The following TUSC3 variants were observed in gnomAD, a reference collection of about 807,000 sequenced individuals.
TUSC3 encodes tumor suppressor candidate 3.
A neutral mutation model predicts 44.8 loss-of-function variants in TUSC3; 45 were observed. That is an observed-to-expected ratio of 1.00 (90% CI 0.79 to 1.29). The LOEUF (loss-of-function observed/expected upper bound fraction) is 1.29. TUSC3 is among the 50% of genes most tolerant of loss of function. TUSC3 has a pLI of 0.00. For synonymous variants in TUSC3, 212 were observed against 152.9 expected, an observed-to-expected ratio of 1.39 and a Z score of -2.85; for missense variants, 519 against 437.9, an observed-to-expected ratio of 1.19 and a Z score of -1.65.
intron 2 of TUSC3, among the ~76,000 whole-genome samples, chr8:15,647,261 A>G (rs1327545927): frequency 2.0e-5 from 3 of 152,146 alleles, no homozygotes; most frequent in African/African-American, 7.2e-5. Context: ...TTCCTTTTCT[A>G]CAGTGCCATT....
intron 5 of TUSC3, among the ~76,000 whole-genome samples, chr8:15,664,527 G>A (rs1286346866): frequency 1.3e-5 from 2 of 148,766 alleles, no homozygotes; most frequent in African/African-American, 4.9e-5. Flanking sequence ...ACTTGGCATG[G>A]CAGAAGATAA....
In TUSC3 at chr8:15,583,328, A is replaced by C. The variant is rs58902570; in HGVS notation, c.139-39752A>C. On this transcript the variant is annotated intron_variant, in intron 1 of 10. Transcript: ENST00000503731. ...AAGTTCATAGTCATTTTGTAATAAAATGCGGAACTAATAAAACTCACTTTA... is the reference window on the plus strand; with the variant it reads ...AAGTTCATAGTCATTTTGTAATAAACTGCGGAACTAATAAAACTCACTTTA... Among the ~76,000 whole-genome samples the C allele has an allele frequency of 2.6e-3, 390 of 152,312 alleles. 5 individuals are homozygous for C. The highest frequency in any genetic ancestry group is 0.018 in the East Asian group (95 of 5,182).
chr8:15,724,357 A>G (rs1420409799), intron 6 of TUSC3, among the ~76,000 whole-genome samples: 2 of 152,186 alleles, frequency 1.3e-5, no homozygotes, highest in Non-Finnish European at 2.9e-5. Context: ...TGTCATGCAC[A>G]GAAAAGCAGA....
intron 2 of TUSC3, among the ~76,000 whole-genome samples, chr8:15,623,674 G>A (rs563193157): frequency 2.3e-4 from 35 of 151,920 alleles, no homozygotes; most frequent in Non-Finnish European, 3.8e-4. Flanking sequence ...GAAGTAAACA[G>A]TTTTAAATGA....
At chr8:15,850,150 ACT>A in the TUSC3 span, among the ~76,000 whole-genome samples, 4 of 150,872 alleles carry the variant, frequency 2.7e-5, no homozygotes, top group Non-Finnish European at 5.9e-5. Context: ...TCAAACATTA[ACT>A]CTCTGAAATG....
chr8:15,570,954 G>GTTTTTTTTTTT lies in TUSC3; in HGVS notation c.138+30396_138+30406dup, dbSNP rs549277334. Among the ~76,000 whole-genome samples, 43 of 44,492 alleles carry GTTTTTTTTTTT rather than the reference G, an allele frequency of 9.7e-4. 5 individuals carry two copies. The highest frequency in any genetic ancestry group is 1.9e-3 in the East Asian group (2 of 1,028). 29.2% of individuals were successfully genotyped at this position (44,492 alleles called of 152,430 possible). Reference sequence around the variant, plus strand: ...TTGCTTTCTATTCCATTGCCTATTAGTTTTTTTTTTTTTTTTTTTTGAGAT... The same window carrying GTTTTTTTTTTT: ...TTGCTTTCTATTCCATTGCCTATTAGTTTTTTTTTTTTTTTTTTTTTTTTTTTTTTTGAGAT... On this transcript the variant is annotated intron_variant, in intron 1 of 10. Coordinates refer to ENST00000503731, the MANE Select transcript of TUSC3 (RefSeq NM_006765.4).
At chr8:15,459,177 T>C (rs1800306698) in intron 1 of TUSC3, among the ~76,000 whole-genome samples, 1 of 152,206 alleles carries the variant, frequency 6.6e-6, no homozygotes, top group African/African-American at 2.4e-5. Context: ...TTCATCACTA[T>C]GATATTTACT....
Position 15,546,866 on chromosome 8 carries a change from T to C in TUSC3, c.138+6298T>C, listed in dbSNP as rs12677186. Among the ~76,000 whole-genome samples, 682 of 151,688 alleles carry C rather than the reference T, an allele frequency of 4.5e-3. 36 individuals are homozygous for C. The highest frequency in any genetic ancestry group is 0.031 in the Admixed American group (472 of 15,180). ...GAATAATTTTTTTCATGGTAGTTGG[T>C]ATCTGTTTGCCTGCCTGCCTGCCTG... On this transcript the variant is annotated intron_variant, in intron 1 of 10. Transcript: ENST00000503731.
the TUSC3 span, among the ~76,000 whole-genome samples, chr8:15,805,209 A>G: frequency 1.3e-5 from 2 of 152,254 alleles, no homozygotes; most frequent in East Asian, 1.9e-4. Context: ...GAAGTTGTTT[A>G]TCAGGATCCA....
chr8:15,496,216 A>C (rs1339421918), intron 2 of TUSC3, among the ~76,000 whole-genome samples: 1 of 152,196 alleles, frequency 6.6e-6, no homozygotes, highest in Non-Finnish European at 1.5e-5. Context: ...TACATTTTCT[A>C]GCTTCACACA....
intron 6 of TUSC3, among the ~76,000 whole-genome samples, chr8:15,686,069 A>G (rs1808615595): frequency 6.6e-6 from 1 of 152,094 alleles, no homozygotes; most frequent in South Asian, 2.1e-4. Context: ...TTTGTTTGTC[A>G]CTATTAAGAT....
chr8:15,817,015 G>A, the TUSC3 span, among the ~76,000 whole-genome samples: 1 of 152,164 alleles, frequency 6.6e-6, no homozygotes, highest in Non-Finnish European at 1.5e-5. Context: ...TGAAGTTACT[G>A]ATTAGTAATT....
At chr8:15,742,596 A>G (rs1024188992) in intron 7 of TUSC3, among the ~76,000 whole-genome samples, 2 of 152,178 alleles carry the variant, frequency 1.3e-5, no homozygotes, top group Non-Finnish European at 1.5e-5. Flanking sequence ...TTTTGTTGAT[A>G]GAGACATCCT....
the TUSC3 span, among the ~76,000 whole-genome samples, chr8:15,848,660 A>G: frequency 6.6e-6 from 1 of 152,180 alleles, no homozygotes; most frequent in Non-Finnish European, 1.5e-5. Context: ...AGTGGTAACC[A>G]CTGTCCAGTG....
chr8:15,760,973 A>T (rs1812147606), intron 10 of TUSC3, among the ~76,000 whole-genome samples: 1 of 152,106 alleles, frequency 6.6e-6, no homozygotes, highest in Non-Finnish European at 1.5e-5. Flanking sequence ...TATCATACTT[A>T]ATCACACCCA....
intron 1 of TUSC3, among the ~76,000 whole-genome samples, chr8:15,460,783 G>A (rs553898386): frequency 2.1e-4 from 32 of 152,042 alleles, no homozygotes; most frequent in Non-Finnish European, 3.8e-4. Flanking sequence ...TGTTGAAAAG[G>A]GTGTCGTTTC....
chr8:15,475,031 G>A (rs998508502), intron 1 of TUSC3, among the ~76,000 whole-genome samples: 2 of 152,026 alleles, frequency 1.3e-5, no homozygotes, highest in African/African-American at 2.4e-5. Flanking sequence ...TTTTGACGAT[G>A]GCCAATTGCT....
intron 1 of TUSC3, among the ~76,000 whole-genome samples, chr8:15,553,160 C>G (rs1223155948): frequency 6.6e-6 from 1 of 151,666 alleles, no homozygotes; most frequent in Non-Finnish European, 1.5e-5. Context: ...GATATCTAAA[C>G]TGAGATGTTT....
At chr8:15,417,931 G>C (rs770202449) in intron 1 of TUSC3, among the ~76,000 whole-genome samples, 11 of 152,088 alleles carry the variant, frequency 7.2e-5, no homozygotes, top group Non-Finnish European at 1.2e-4. Context: ...AATGAGATGT[G>C]GGAAAGTTCT....
Sources: gnomAD v4.1 joint callset for allele counts (sites outside exome capture counted in the v4.1 genomes callset) on GRCh38, gnomAD v4.1.1 for gene constraint, MANE v1.5 for transcripts, NCBI Gene and HGNC (gene_info 2026-07-23, HGNC 2026-07-21) for gene names.